Variants in TENM3 observed in about 807,000 individuals in gnomAD.
The protein encoded by TENM3 is teneurin-3.
A neutral mutation model predicts 255.1 loss-of-function variants in TENM3; 63 were observed. That is an observed-to-expected ratio of 0.25 (90% CI 0.20 to 0.30). TENM3 has a LOEUF of 0.30. Among genes scored for constraint, TENM3 ranks in the 10% least tolerant of loss-of-function variants. The pLI, the probability that TENM3 is intolerant of heterozygous loss-of-function variation, is 1.00. For missense variants in TENM3, 2,929 were observed against 3,461.1 expected (o/e 0.85, Z 3.86); for synonymous variants, 1,306 against 1,322.3 (o/e 0.99, Z 0.27).
chr4:182,488,688 C>A (rs1477224419), intron 3 of TENM3, among the ~76,000 whole-genome samples: 1 of 151,762 alleles, frequency 6.6e-6, no homozygotes, highest in African/African-American at 2.4e-5. Flanking sequence ...CAACTGAAAG[C>A]CTAATGTCAT....
intron 6 of TENM3, among the ~76,000 whole-genome samples, chr4:182,665,958 A>T (rs1169929886): frequency 6.6e-6 from 1 of 152,196 alleles, no homozygotes; most frequent in Non-Finnish European, 1.5e-5. Context: ...AACATTTATG[A>T]TTCATGGGAA....
At chr4:182,085,979 A>G in the TENM3 span, among the ~76,000 whole-genome samples, 1 of 152,180 alleles carries the variant, frequency 6.6e-6, no homozygotes, top group Admixed American at 6.6e-5. Flanking sequence ...AGGAATTGTT[A>G]TAAGTTGTGA....
At chr4:181,653,134 G>GCGAT in the TENM3 span, among the ~76,000 whole-genome samples, 1 of 152,212 alleles carries the variant, frequency 6.6e-6, no homozygotes, top group Non-Finnish European at 1.5e-5. Flanking sequence ...TGGGAATGCA[G>GCGAT]CGATCGGCAG....
chr4:182,612,020 C>A (rs1561001046), intron 4 of TENM3, among the ~76,000 whole-genome samples: 1 of 151,940 alleles, frequency 6.6e-6, no homozygotes, highest in Non-Finnish European at 1.5e-5. Context: ...GAATTCCCAG[C>A]ATTTTGGGAG....
At chr4:182,608,297 A>G (rs1389325900) in intron 4 of TENM3, among the ~76,000 whole-genome samples, 10 of 152,086 alleles carry the variant, frequency 6.6e-5, no homozygotes, top group Admixed American at 2.6e-4. Flanking sequence ...TCTGTCACTC[A>G]TGCTAGAGTG....
rs946122741 is a variant in TENM3 at position 182,385,431 on chromosome 4, A to C, written c.511+38502A>C. Among the ~76,000 whole-genome samples the C allele has an allele frequency of 8.1e-4, 123 of 151,932 alleles. 1 individual carries two copies. The highest frequency in any genetic ancestry group is 7.4e-5 in the Non-Finnish European group (5 of 67,962). ...AGGCACCCACAACCAAGCCCGGATA[A>C]TTTTTGTATTTTTAGTAGAGACAGG... On this transcript the variant is annotated intron_variant, in intron 3 of 27. Coordinates refer to ENST00000511685, the MANE Select transcript of TENM3 (RefSeq NM_001080477.4).
chr4:182,346,607 G>T, intron 2 of TENM3, 44 bp from the exon 3 acceptor site: 1 of 1,474,096 alleles, frequency 6.8e-7, no homozygotes. Context: ...AACTAACACT[G>T]AACATATACT....
the TENM3 span, among the ~76,000 whole-genome samples, chr4:181,747,093 C>T: frequency 6.6e-6 from 1 of 151,988 alleles, no homozygotes. Flanking sequence ...AGCCTAATTG[C>T]CTTCTAATAA....
At chr4:181,644,027 G>A in the TENM3 span, among the ~76,000 whole-genome samples, 13 of 150,400 alleles carry the variant, frequency 8.6e-5, no homozygotes, top group South Asian at 2.1e-4. Context: ...AGTGAGCCAC[G>A]GTCATGCCAC....
chr4:182,783,302 C>T (rs1383082720), intron 24 of TENM3, among the ~76,000 whole-genome samples: 1 of 151,550 alleles, frequency 6.6e-6, no homozygotes, highest in South Asian at 2.1e-4. Flanking sequence ...TTTTATTTCT[C>T]CTTCGCTTAT....
chr4:182,333,984 T>G (rs1256466619), intron 2 of TENM3, among the ~76,000 whole-genome samples: 1 of 152,216 alleles, frequency 6.6e-6, no homozygotes, highest in Non-Finnish European at 1.5e-5. Flanking sequence ...CGTAGCTGAC[T>G]GGCAGTTTAC....
intron 22 of TENM3, among the ~76,000 whole-genome samples, chr4:182,761,649 G>T (rs1201679009): frequency 6.6e-6 from 1 of 152,038 alleles, no homozygotes; most frequent in Non-Finnish European, 1.5e-5. Flanking sequence ...TTAAAATGGT[G>T]CTCAGCCACC....
At chr4:182,620,761 C>T (rs953343017) in intron 4 of TENM3, among the ~76,000 whole-genome samples, 1 of 152,144 alleles carries the variant, frequency 6.6e-6, no homozygotes, top group Admixed American at 6.5e-5. Context: ...CAGGGTCTTG[C>T]TCTGTTGCCC....
chr4:182,538,803 A>G (rs4418015), intron 3 of TENM3, among the ~76,000 whole-genome samples: 44,560 of 151,944 alleles, frequency 0.29, 6,945 homozygotes, highest in South Asian at 0.38. Context: ...GATGACAGCT[A>G]CATTTATGAT....
In TENM3 at chr4:182,751,934, A is replaced by T; in HGVS notation, c.3764A>T (p.Glu1255Val). 6.2e-7 allele frequency: 1 copy of T among 1,613,928 alleles called. No individual in the cohort carries two copies. The highest frequency in any genetic ancestry group is 8.5e-7 in the Non-Finnish European group (1 of 1,179,884). Residue 1255 changes from glutamate (E) to valine (V), a missense_variant, in exon 20 of 28, where the codon GAA (glutamate) becomes GTA (valine). By Grantham distance (121) the Glu-to-Val change is moderately radical. This residue lies in a region of TENM3 where 1,608 missense variants were observed against 1,884.4 expected (regional missense o/e 0.85). Transcript: ENST00000511685. ...GCAAAAGACTTGACTAAAAATGCAG[A>T]AGTCGTCGCAGGGACAGGGGAGCAA... ...TGAKDLTKNA[E>V]VVAGTGEQCL...
chr4:182,748,708 A>G (rs1157568240), intron 19 of TENM3, among the ~76,000 whole-genome samples: 4 of 152,128 alleles, frequency 2.6e-5, no homozygotes, highest in Non-Finnish European at 4.4e-5. Context: ...CTAATTTGCC[A>G]TCCTAGCCTG....
rs558919079 is a variant in TENM3 at position 182,755,756 on chromosome 4, C to T, written c.4892+497C>T. ...TCGGGAGGCTGAGGCAGGAGAATGG[C>T]GTGAACCCGGGAGGCGCAGCTTGCA... On this transcript the variant is annotated intron_variant, in intron 22 of 27. Transcript: ENST00000511685. Among the ~76,000 whole-genome samples, 4 of 152,106 alleles carry T rather than the reference C, an allele frequency of 2.6e-5. No homozygotes were observed. The South Asian group carries it at 8.3e-4, about 32-fold the overall frequency.
intron 24 of TENM3, among the ~76,000 whole-genome samples, chr4:182,777,221 A>T (rs1016372826): frequency 1.3e-5 from 2 of 152,022 alleles, no homozygotes; most frequent in African/African-American, 2.4e-5. Flanking sequence ...CTTACCTTGC[A>T]TTATTTCCTA....
chr4:182,102,968 G>A, the TENM3 span, among the ~76,000 whole-genome samples: 1 of 152,138 alleles, frequency 6.6e-6, no homozygotes, highest in African/African-American at 2.4e-5. Flanking sequence ...AATAATAACA[G>A]TGGCAATTTA....
Sources: allele counts gnomAD v4.1 joint callset (sites outside exome capture counted in the v4.1 genomes callset), GRCh38; gene constraint gnomAD v4.1.1; regional missense constraint gnomAD v4.1.1; transcripts MANE v1.5; gene names NCBI Gene and HGNC (gene_info 2026-07-23, HGNC 2026-07-21).